ZNRF3: variants seen among roughly 807,000 people sequenced by gnomAD.
ZNRF3 encodes zinc and ring finger 3, also known as E3 ubiquitin-protein ligase ZNRF3.
In ZNRF3, 23 loss-of-function variants were observed where a neutral mutation model predicts 72.5. The observed-to-expected ratio is 0.32, with a 90% CI of 0.23 to 0.45. The LOEUF is 0.45. Ranked by LOEUF, ZNRF3 falls within the 20% of genes least tolerant of loss-of-function variation. The probability of loss-of-function intolerance (pLI) is 1.00; values close to 1 mark genes in which losing one functional copy is unlikely to be tolerated. For missense variants in ZNRF3, 1,169 were observed against 1,272.1 expected (o/e 0.92, Z 1.23); for synonymous variants, 610 against 545.3 (o/e 1.12, Z -1.65).
At chr22:28,974,574 T>C (rs1036147823) in intron 1 of ZNRF3, among the ~76,000 whole-genome samples, 3 of 152,258 alleles carry the variant, frequency 2.0e-5, no homozygotes, top group Non-Finnish European at 4.4e-5. Context: ...CCTACTATTC[T>C]TACTCTCCAG....
intron 1 of ZNRF3, among the ~76,000 whole-genome samples, chr22:28,889,704 C>T (rs910104631): frequency 5.3e-5 from 8 of 152,240 alleles, no homozygotes; most frequent in African/African-American, 1.9e-4. Flanking sequence ...CACTGCGCAG[C>T]ATCCTTGGGA....
intron 2 of ZNRF3, among the ~76,000 whole-genome samples, chr22:29,014,872 C>T (rs148670478): frequency 1.6e-4 from 24 of 152,290 alleles, no homozygotes; most frequent in Middle Eastern, 6.8e-3. Flanking sequence ...TAGGCTGCCT[C>T]GAGCCAAGAG....
intron 1 of ZNRF3, among the ~76,000 whole-genome samples, chr22:28,908,045 C>G (rs1275410948): frequency 6.6e-6 from 1 of 152,182 alleles, no homozygotes; most frequent in Non-Finnish European, 1.5e-5. Context: ...TTTTATTTGG[C>G]TGTTTGGAGG....
intron 1 of ZNRF3, among the ~76,000 whole-genome samples, chr22:28,968,048 G>T (rs2035506772): frequency 6.6e-6 from 1 of 151,820 alleles, no homozygotes; most frequent in Admixed American, 6.6e-5. Flanking sequence ...TCATCTTTCT[G>T]AATAGGGTTG....
intron 1 of ZNRF3, among the ~76,000 whole-genome samples, chr22:28,986,055 T>C (rs1412845476): frequency 1.3e-5 from 2 of 152,232 alleles, no homozygotes; most frequent in African/African-American, 2.4e-5. Flanking sequence ...GCTTCCCTTA[T>C]AAGGACCTTT....
chr22:29,014,861 A>C (rs1181992282), intron 2 of ZNRF3, among the ~76,000 whole-genome samples: 1 of 152,214 alleles, frequency 6.6e-6, no homozygotes, highest in Non-Finnish European at 1.5e-5. Context: ...TTTTCTCTGC[A>C]TAGGCTGCCT....
intron 1 of ZNRF3, among the ~76,000 whole-genome samples, chr22:28,967,915 C>A (rs2123810459): frequency 6.9e-6 from 1 of 144,250 alleles, no homozygotes; most frequent in South Asian, 2.2e-4. Flanking sequence ...GACAGAGTGA[C>A]ACCGTGTCTC....
At chr22:29,033,014 T>C (rs1161433332) in intron 2 of ZNRF3, among the ~76,000 whole-genome samples, 3 of 152,156 alleles carry the variant, frequency 2.0e-5, no homozygotes, top group Admixed American at 6.5e-5. Flanking sequence ...TTACCCCACA[T>C]GTGGCCACCA....
At chr22:28,938,652 C>T (rs1030307630) in intron 1 of ZNRF3, among the ~76,000 whole-genome samples, 6 of 152,108 alleles carry the variant, frequency 3.9e-5, no homozygotes, top group African/African-American at 1.4e-4. Flanking sequence ...GTGAACATTG[C>T]TTGGTTTATG....
At chr22:29,035,465 T>C (rs1453424219) in intron 2 of ZNRF3, among the ~76,000 whole-genome samples, 6 of 152,250 alleles carry the variant, frequency 3.9e-5, no homozygotes, top group African/African-American at 9.6e-5. Flanking sequence ...GTAAGAAGAA[T>C]GAATATTTTT....
chr22:28,946,627 G>T (rs188403371), intron 1 of ZNRF3, among the ~76,000 whole-genome samples: 1 of 152,192 alleles, frequency 6.6e-6, no homozygotes, highest in Non-Finnish European at 1.5e-5. Context: ...GAAATCACTA[G>T]TTATGGATGC....
chr22:28,935,975 C>T (rs1306532745), intron 1 of ZNRF3, among the ~76,000 whole-genome samples: 1 of 152,068 alleles, frequency 6.6e-6, no homozygotes, highest in Non-Finnish European at 1.5e-5. Context: ...TCTTCTGGTG[C>T]CCTCTGTGAT....
At chr22:28,990,644 C>T (rs1162593993) in intron 2 of ZNRF3, among the ~76,000 whole-genome samples, 5 of 152,050 alleles carry the variant, frequency 3.3e-5, no homozygotes, top group Admixed American at 3.3e-4. Flanking sequence ...CCACTGTACT[C>T]TAGGCTGGGC....
At chr22:28,948,933 A>C (rs928782021) in intron 1 of ZNRF3, among the ~76,000 whole-genome samples, 2 of 152,216 alleles carry the variant, frequency 1.3e-5, no homozygotes, top group Non-Finnish European at 2.9e-5. Flanking sequence ...AGCTCTTCCA[A>C]ATACTAACAT....
intron 1 of ZNRF3, among the ~76,000 whole-genome samples, chr22:28,894,483 T>C (rs565201952): frequency 1.3e-5 from 2 of 152,196 alleles, no homozygotes; most frequent in African/African-American, 4.8e-5. Flanking sequence ...CCTTGTATTC[T>C]GGGCAGGAAC....
intron 2 of ZNRF3, among the ~76,000 whole-genome samples, chr22:29,006,213 C>CTTTTTTTTTTTT (rs372438825): frequency 6.6e-5 from 7 of 106,516 alleles, no homozygotes; most frequent in East Asian, 2.9e-4. Context: ...TCATCCGTTT[C>CTTTTTTTTTTTT]TTTTTTTTTT....
chr22:28,914,831 A>T (rs1433992646), intron 1 of ZNRF3, among the ~76,000 whole-genome samples: 1 of 151,958 alleles, frequency 6.6e-6, no homozygotes, highest in Non-Finnish European at 1.5e-5. Flanking sequence ...AAAAAAAAAA[A>T]AATTAGGTTA....
At chr22:28,978,659 G>A (rs117926892) in intron 1 of ZNRF3, among the ~76,000 whole-genome samples, 143 of 152,250 alleles carry the variant, frequency 9.4e-4, no homozygotes, top group African/African-American at 3.1e-3. Context: ...AAGACAAAGC[G>A]TACATCATGG....
intron 1 of ZNRF3, among the ~76,000 whole-genome samples, chr22:28,904,419 C>T (rs1226859568): frequency 1.3e-5 from 2 of 152,174 alleles, no homozygotes; most frequent in Non-Finnish European, 2.9e-5. Flanking sequence ...TTTAGTGAAT[C>T]AGATTTCTTG....
Sources: allele counts gnomAD v4.1 joint callset (sites outside exome capture counted in the v4.1 genomes callset), GRCh38; gene constraint gnomAD v4.1.1; transcripts MANE v1.5; gene names NCBI Gene and HGNC (gene_info 2026-07-23, HGNC 2026-07-21).